The following ZDHHC14 variants were observed in gnomAD, a reference collection of about 807,000 sequenced individuals.
ZDHHC14 encodes the protein palmitoyltransferase ZDHHC14.
Under a neutral mutation model 47.7 loss-of-function variants are expected in ZDHHC14, and 16 were observed. The ratio of observed to expected loss-of-function variants is 0.34; its 90% CI spans 0.23 to 0.51. ZDHHC14 has a LOEUF of 0.51. Ranked by LOEUF, ZDHHC14 falls within the 20% of genes least tolerant of loss-of-function variation. The pLI, the probability that ZDHHC14 is intolerant of heterozygous loss-of-function variation, is 0.97. For missense variants in ZDHHC14, 515 were observed against 662.5 expected (o/e 0.78, Z 2.44); for synonymous variants, 293 against 278.9 (o/e 1.05, Z -0.50).
intron 7 of ZDHHC14, among the ~76,000 whole-genome samples, chr6:157,652,914 G>A (rs866079966): frequency 1.3e-5 from 2 of 152,296 alleles, no homozygotes; most frequent in Non-Finnish European, 1.5e-5. Flanking sequence ...TCAGAGAAGG[G>A]GAGAGAGGAG....
At chr6:157,519,017 C>G (rs1780811499) in intron 1 of ZDHHC14, among the ~76,000 whole-genome samples, 1 of 152,160 alleles carries the variant, frequency 6.6e-6, no homozygotes, top group African/African-American at 2.4e-5. Context: ...ATCCTTACGC[C>G]TCTGCCATTT....
intron 8 of ZDHHC14, among the ~76,000 whole-genome samples, chr6:157,664,434 G>A (rs1385069957): frequency 6.6e-6 from 1 of 152,166 alleles, no homozygotes; most frequent in African/African-American, 2.4e-5. Context: ...TGTTGCCCCT[G>A]TTACAGCAAG....
chr6:157,601,929 C>T (rs972907384), intron 3 of ZDHHC14, among the ~76,000 whole-genome samples: 7 of 152,236 alleles, frequency 4.6e-5, no homozygotes, highest in African/African-American at 9.6e-5. Flanking sequence ...CAGGGCTGGG[C>T]GCGGTGGCTC....
chr6:157,540,910 G>GTGTGTGTATATATATATATATATATATA (rs1284429244), intron 1 of ZDHHC14, among the ~76,000 whole-genome samples: 11 of 122,974 alleles, frequency 8.9e-5, no homozygotes, highest in African/African-American at 4.8e-4. Context: ...GTGTGTGTGT[G>GTGTGTGTATATATATATATATATATATA]TATATATATA....
chr6:157,429,690 A>T (rs749949523), intron 1 of ZDHHC14, among the ~76,000 whole-genome samples: 2 of 152,124 alleles, frequency 1.3e-5, no homozygotes, highest in African/African-American at 2.4e-5. Context: ...GATTTTACAG[A>T]CTTGAAGGGC....
intron 1 of ZDHHC14, among the ~76,000 whole-genome samples, chr6:157,507,274 A>C (rs575546535): frequency 1.4e-5 from 2 of 141,348 alleles, no homozygotes; most frequent in African/African-American, 5.3e-5. Flanking sequence ...AACATTTTAT[A>C]TTTCCTGACT....
At chr6:157,616,513 G>A (rs1419269379) in intron 3 of ZDHHC14, among the ~76,000 whole-genome samples, 1 of 152,134 alleles carries the variant, frequency 6.6e-6, no homozygotes, top group Non-Finnish European at 1.5e-5. Context: ...GGACACTACA[G>A]AACCCACAGG....
At chr6:157,403,487 C>T (rs975283479) in intron 1 of ZDHHC14, among the ~76,000 whole-genome samples, 3 of 152,200 alleles carry the variant, frequency 2.0e-5, no homozygotes, top group African/African-American at 7.2e-5. Context: ...TGTACCCTAC[C>T]ATGGACCCAC....
At chr6:157,539,974 ACAGGAG>A (rs758088717) in intron 1 of ZDHHC14, among the ~76,000 whole-genome samples, 7 of 152,164 alleles carry the variant, frequency 4.6e-5, no homozygotes, top group Non-Finnish European at 1.0e-4. Flanking sequence ...TCCTGCGGGG[ACAGGAG>A]CAGGAGCAGG....
At chr6:157,494,148 G>A (rs181433520) in intron 1 of ZDHHC14, among the ~76,000 whole-genome samples, 4 of 152,306 alleles carry the variant, frequency 2.6e-5, no homozygotes, top group African/African-American at 9.6e-5. Flanking sequence ...TAAAATGAGC[G>A]GGTTGGACTT....
chr6:157,640,727 A>G (rs1022904929), intron 5 of ZDHHC14, among the ~76,000 whole-genome samples: 1 of 152,244 alleles, frequency 6.6e-6, no homozygotes, highest in Non-Finnish European at 1.5e-5. Flanking sequence ...AAGAAAAAGC[A>G]TCAGATTGTG....
At chr6:157,664,157 T>C (rs191643345) in intron 8 of ZDHHC14, among the ~76,000 whole-genome samples, 64 of 152,274 alleles carry the variant, frequency 4.2e-4, no homozygotes, top group Admixed American at 3.5e-3. Context: ...GCTTTTTCCT[T>C]CAATATCTCT....
At chr6:157,606,691 C>T (rs1784551631) in intron 3 of ZDHHC14, among the ~76,000 whole-genome samples, 1 of 152,176 alleles carries the variant, frequency 6.6e-6, no homozygotes, top group Non-Finnish European at 1.5e-5. Context: ...AGAAGTGCAG[C>T]TTGGGACCCC....
Position 157,382,264 on chromosome 6 carries a change from C to T in ZDHHC14, c.243C>T (p.Phe81=). The change falls in exon 1 of 9, where the codon TTC becomes TTT. Residue 81 remains phenylalanine, a splice_region_variant and synonymous_variant. Transcript: ENST00000359775. ...ILVTSGLFFA[F]DCPYLAVKIT... Reference sequence around the variant, plus strand: ...TCACTAGCGGACTCTTCTTCGCCTTCGAGTAAGTGGTGGCGACCGCTCCCC... The same window carrying T: ...TCACTAGCGGACTCTTCTTCGCCTTTGAGTAAGTGGTGGCGACCGCTCCCC... 2 of 1,610,430 alleles carry T rather than the reference C, an allele frequency of 1.2e-6. No homozygotes were observed. Among genetic ancestry groups the T allele is most frequent in the South Asian group, 2.2e-5 (2 of 90,604 alleles).
intron 1 of ZDHHC14, among the ~76,000 whole-genome samples, chr6:157,413,584 CCTTT>C (rs1190237454): frequency 5.3e-5 from 8 of 150,770 alleles, no homozygotes; most frequent in Non-Finnish European, 1.0e-4. Context: ...TTTCTTCCTT[CCTTT>C]CTTTTTTTTT....
intron 1 of ZDHHC14, among the ~76,000 whole-genome samples, chr6:157,404,444 C>T (rs1235628837): frequency 6.6e-6 from 1 of 152,124 alleles, no homozygotes; most frequent in East Asian, 1.9e-4. Context: ...CGGAAAATGA[C>T]TCTTTTCTGA....
intron 1 of ZDHHC14, among the ~76,000 whole-genome samples, chr6:157,475,498 G>A (rs1779459737): frequency 6.6e-6 from 1 of 151,964 alleles, no homozygotes; most frequent in African/African-American, 2.4e-5. Flanking sequence ...CCATGAACAT[G>A]GGATATTTTT....
intron 1 of ZDHHC14, among the ~76,000 whole-genome samples, chr6:157,508,736 T>G (rs1277891054): frequency 6.6e-6 from 1 of 152,182 alleles, no homozygotes; most frequent in African/African-American, 2.4e-5. Context: ...CTCTTGATCT[T>G]TTTGTTGCAC....
At chr6:157,508,077 C>G (rs1207064833) in intron 1 of ZDHHC14, among the ~76,000 whole-genome samples, 21 of 152,192 alleles carry the variant, frequency 1.4e-4, no homozygotes, top group Non-Finnish European at 1.0e-4. Context: ...GGGCCATATA[C>G]TAAATATTTG....
Sources: gnomAD v4.1 joint callset for allele counts (sites outside exome capture counted in the v4.1 genomes callset) on GRCh38, gnomAD v4.1.1 for gene constraint, MANE v1.5 for transcripts, NCBI Gene and HGNC (gene_info 2026-07-23, HGNC 2026-07-21) for gene names.